The following MTMR8 variants were observed in gnomAD, a reference collection of about 807,000 sequenced individuals.
MTMR8 encodes myotubularin related protein 8.
Under a neutral mutation model 39.3 loss-of-function variants are expected in MTMR8, and 65 were observed. That is an observed-to-expected ratio of 1.65 (90% CI 1.35 to 2.03). MTMR8 has a LOEUF of 2.03. Ranked by LOEUF, MTMR8 falls within the 30% of genes most tolerant of loss-of-function variation. The probability of loss-of-function intolerance (pLI) is 0.00; values close to 1 mark genes in which losing one functional copy is unlikely to be tolerated. For synonymous variants in MTMR8, 245 were observed against 185.2 expected, an observed-to-expected ratio of 1.32 and a Z score of -2.62; for missense variants, 777 against 538.9, an observed-to-expected ratio of 1.44 and a Z score of -4.37.
intron 12 of MTMR8, among the ~76,000 whole-genome samples, chrX:64,317,381 T>C (rs1319725001): frequency 9.0e-6 from 1 of 111,568 alleles, no homozygotes; most frequent in Non-Finnish European, 1.9e-5. Context: ...TGACTCTGTT[T>C]ATTTATTTTT....
At chrX:64,375,166 G>T (rs922752872) in intron 1 of MTMR8, among the ~76,000 whole-genome samples, 3 of 109,583 alleles carry the variant, frequency 2.7e-5, no homozygotes, top group African/African-American at 6.6e-5. Context: ...TTTGAGACCA[G>T]CCTGGGAAAC....
intron 12 of MTMR8, among the ~76,000 whole-genome samples, chrX:64,277,825 C>T (rs1931913759): frequency 9.0e-6 from 1 of 111,160 alleles, no homozygotes; most frequent in African/African-American, 3.3e-5. Flanking sequence ...GCAGTGTTTT[C>T]CAACTTGGTT....
chrX:64,272,898 G>A (rs756067587), intron 12 of MTMR8, among the ~76,000 whole-genome samples: 8 of 111,594 alleles, frequency 7.2e-5, no homozygotes, highest in African/African-American at 2.6e-4. Context: ...AGCACTGAAG[G>A]AAAACTAAAA....
chrX:64,294,316 A>T (rs1256132662), intron 12 of MTMR8, among the ~76,000 whole-genome samples: 1 of 111,600 alleles, frequency 9.0e-6, no homozygotes, highest in Non-Finnish European at 1.9e-5. Flanking sequence ...AGTTAATCAC[A>T]ATTTGCCTTC....
chrX:64,317,153 T>C (rs936383620), intron 12 of MTMR8, among the ~76,000 whole-genome samples: 34 of 110,983 alleles, frequency 3.1e-4, no homozygotes, highest in Admixed American at 2.0e-3. Flanking sequence ...TTCACAAATT[T>C]TGCTATGATG....
chrX:64,307,762 A>T (rs190649487), intron 12 of MTMR8, among the ~76,000 whole-genome samples: 5 of 112,301 alleles, frequency 4.5e-5, no homozygotes, highest in African/African-American at 1.6e-4. Context: ...TAGGAAATGT[A>T]TTGTAATTGC....
chrX:64,336,413 G>A lies in MTMR8; in HGVS notation c.1102-285C>T, dbSNP rs752117767. Among the ~76,000 whole-genome samples, 346 of 109,417 alleles carry A rather than the reference G, an allele frequency of 3.2e-3. 1 individual carries two copies. The highest frequency in any genetic ancestry group is 5.9e-3 in the Non-Finnish European group (313 of 52,664). On this transcript the variant is annotated intron_variant, in intron 9 of 13. Coordinates refer to ENST00000374852, the MANE Select transcript of MTMR8 (RefSeq NM_017677.4). ...AACTAAATGCAATCCTGATAAGCAC[G>A]ATATTAAATTCACACTTTGAAAAAC...
chrX:64,367,851 C>G (rs1453313398), intron 1 of MTMR8, among the ~76,000 whole-genome samples: 2 of 111,470 alleles, frequency 1.8e-5, no homozygotes, highest in African/African-American at 6.5e-5. Context: ...GATTGTATAT[C>G]TAGAAAACCC....
At chrX:64,333,474 T>C (rs915010280) in intron 10 of MTMR8, among the ~76,000 whole-genome samples, 7 of 112,181 alleles carry the variant, frequency 6.2e-5, no homozygotes, top group African/African-American at 2.3e-4. Context: ...CTCAAGCTAA[T>C]CTTTCGTTTG....
At position 64,271,132 on chromosome X, in the gene MTMR8, C is replaced by A. The variant is rs1449490215; in HGVS notation, c.1482-59G>T. 17 of 1,073,360 alleles carry A rather than the reference C, an allele frequency of 1.6e-5. No individual in the cohort carries two copies. In the East Asian group the frequency reaches 3.0e-4, roughly 19 times the overall value. 88.5% of individuals were successfully genotyped at this position (1,073,360 alleles called of 1,213,427 possible). ...TAGTTTAGCTGGAGTAATTGATTAC[C>A]AATGTTTTCCTTGTGCCAAGAAAAT... On this transcript the variant is annotated intron_variant, in intron 12 of 13. Coordinates refer to ENST00000374852, the MANE Select transcript of MTMR8 (RefSeq NM_017677.4).
chrX:64,279,340 A>T (rs1237225938), intron 12 of MTMR8, among the ~76,000 whole-genome samples: 2 of 112,092 alleles, frequency 1.8e-5, no homozygotes, highest in African/African-American at 6.5e-5. Context: ...AATACTAAAC[A>T]TCATACTCAA....
chrX:64,328,279 A>G (rs1483650871), intron 12 of MTMR8, among the ~76,000 whole-genome samples: 1 of 112,100 alleles, frequency 8.9e-6, no homozygotes, highest in East Asian at 2.8e-4. Flanking sequence ...TTCAGAGATG[A>G]CATGATCTAA....
chrX:64,303,601 C>T (rs925047674), intron 12 of MTMR8, among the ~76,000 whole-genome samples: 7 of 112,086 alleles, frequency 6.2e-5, no homozygotes, highest in Admixed American at 1.9e-4. Flanking sequence ...AATGAGCCAC[C>T]TTATAAAGAG....
chrX:64,300,155 G>A (rs964726734), intron 12 of MTMR8, among the ~76,000 whole-genome samples: 2 of 106,321 alleles, frequency 1.9e-5, no homozygotes, highest in African/African-American at 6.9e-5. Context: ...CTGTCTCATT[G>A]ATCTGTCTAA....
intron 12 of MTMR8, among the ~76,000 whole-genome samples, chrX:64,272,631 C>T (rs1431865898): frequency 1.8e-5 from 2 of 110,731 alleles, no homozygotes; most frequent in Admixed American, 1.9e-4. Context: ...GACTGAAAAC[C>T]CCCTAAATCT....
At chrX:64,327,344 C>A (rs937177610) in intron 12 of MTMR8, among the ~76,000 whole-genome samples, 1 of 111,525 alleles carries the variant, frequency 9.0e-6, no homozygotes, top group African/African-American at 3.2e-5. Flanking sequence ...GCAAAGCAAA[C>A]AATCTGATTT....
At chrX:64,356,154 A>G in intron 3 of MTMR8, 22 bp downstream of exon 3, 2 of 1,185,499 alleles carry the variant, frequency 1.7e-6, no homozygotes, top group South Asian at 3.7e-5. Flanking sequence ...ATGGTTTTAG[A>G]TAAAAATACT....
intron 12 of MTMR8, among the ~76,000 whole-genome samples, chrX:64,312,737 AG>A (rs992344079): frequency 7.1e-5 from 8 of 112,386 alleles, no homozygotes; most frequent in African/African-American, 2.3e-4. Flanking sequence ...AAGACCTGAA[AG>A]TCAAAGTTAC....
At chrX:64,325,849 T>A (rs1372693316) in intron 12 of MTMR8, among the ~76,000 whole-genome samples, 2 of 111,625 alleles carry the variant, frequency 1.8e-5, no homozygotes, top group Non-Finnish European at 3.8e-5. Context: ...AGTTAAACTA[T>A]CCCTGGTTGC....
Sources: gnomAD v4.1 joint callset for allele counts (sites outside exome capture counted in the v4.1 genomes callset) on GRCh38, gnomAD v4.1.1 for gene constraint, MANE v1.5 for transcripts, NCBI Gene and HGNC (gene_info 2026-07-23, HGNC 2026-07-21) for gene names.